PRKG1: variants seen among roughly 807,000 people sequenced by gnomAD.
The protein encoded by PRKG1 is cGMP-dependent protein kinase 1.
Under a neutral mutation model 88.1 loss-of-function variants are expected in PRKG1, and 35 were observed. The ratio of observed to expected loss-of-function variants is 0.40; its 90% CI spans 0.30 to 0.53. The LOEUF (loss-of-function observed/expected upper bound fraction) is 0.53. Among genes scored for constraint, PRKG1 ranks in the 20% least tolerant of loss-of-function variants. The pLI is 0.59. For synonymous variants in PRKG1, 303 were observed against 292.5 expected, an observed-to-expected ratio of 1.04 and a Z score of -0.37; for missense variants, 540 against 839.8, an observed-to-expected ratio of 0.64 and a Z score of 4.41.
At chr10:52,254,869 G>A (rs1193687645) in intron 10 of PRKG1, among the ~76,000 whole-genome samples, 2 of 151,968 alleles carry the variant, frequency 1.3e-5, no homozygotes, top group African/African-American at 4.8e-5. Flanking sequence ...GATCTTTTAG[G>A]CATAGGAATT....
intron 2 of PRKG1, among the ~76,000 whole-genome samples, chr10:51,360,361 A>G (rs530530082): frequency 5.3e-4 from 81 of 152,102 alleles, no homozygotes; most frequent in South Asian, 2.5e-3. Context: ...AAGTTATAAA[A>G]GACATCAGCC....
In PRKG1 at chr10:52,293,990, G is replaced by A. The variant is rs537580229; in HGVS notation, c.*90G>A. On this transcript the variant is annotated 3_prime_UTR_variant, in exon 18 of 18. Coordinates refer to ENST00000373980, the MANE Select transcript of PRKG1 (RefSeq NM_006258.4). ...AACCTGAGGGAAAGAGAGAAGATTA[G>A]TGCTCGGGGTCACCATGATGCCTTT... 49 of 1,075,074 alleles carry A rather than the reference G, an allele frequency of 4.6e-5. 1 individual carries two copies. The African/African-American group carries it at 6.7e-4, about 15-fold the overall frequency. 66.6% of individuals were successfully genotyped at this position (1,075,074 alleles called of 1,614,324 possible).
At chr10:51,562,223 CA>C (rs35433028) in intron 3 of PRKG1, among the ~76,000 whole-genome samples, 103,222 of 146,220 alleles carry the variant, frequency 0.71, 36,673 homozygotes, top group East Asian at 0.97. Context: ...GACTCCATCT[CA>C]AAAAAAAAAA....
chr10:51,844,356 A>G (rs1840350209), intron 4 of PRKG1, among the ~76,000 whole-genome samples: 1 of 152,192 alleles, frequency 6.6e-6, no homozygotes. Flanking sequence ...AAATTATACT[A>G]GTAAGAGGGT....
intron 10 of PRKG1, among the ~76,000 whole-genome samples, chr10:52,258,016 T>C (rs889480797): frequency 7.2e-6 from 1 of 139,766 alleles, no homozygotes; most frequent in East Asian, 2.0e-4. Context: ...AAATTTCTTT[T>C]GTACATTGAT....
intron 3 of PRKG1, among the ~76,000 whole-genome samples, chr10:51,554,828 G>A (rs1036897911): frequency 6.6e-6 from 1 of 151,696 alleles, no homozygotes; most frequent in Non-Finnish European, 1.5e-5. Context: ...TTCAAACCAA[G>A]GCTCTGACAA....
intron 3 of PRKG1, among the ~76,000 whole-genome samples, chr10:51,538,426 T>C (rs1254964448): frequency 1.3e-5 from 2 of 148,598 alleles, no homozygotes; most frequent in African/African-American, 4.9e-5. Flanking sequence ...ATATATGATA[T>C]ATGATATATA....
At chr10:51,779,696 G>A (rs1483464093) in intron 3 of PRKG1, among the ~76,000 whole-genome samples, 1 of 152,058 alleles carries the variant, frequency 6.6e-6, no homozygotes, top group Non-Finnish European at 1.5e-5. Context: ...ATGGCACCTG[G>A]CTAATGACTT....
At chr10:51,143,892 G>A (rs1845880474) in intron 1 of PRKG1, among the ~76,000 whole-genome samples, 1 of 151,932 alleles carries the variant, frequency 6.6e-6, no homozygotes, top group Non-Finnish European at 1.5e-5. Context: ...CATGTGTATA[G>A]GAGGCAAATA....
At chr10:52,232,544 CAG>C (rs1162747197) in intron 9 of PRKG1, among the ~76,000 whole-genome samples, 1 of 152,092 alleles carries the variant, frequency 6.6e-6, no homozygotes, top group Non-Finnish European at 1.5e-5. Context: ...TCAGTAAAAA[CAG>C]AACAATTACT....
chr10:51,440,152 C>T (rs1276059137), intron 2 of PRKG1, among the ~76,000 whole-genome samples: 1 of 151,780 alleles, frequency 6.6e-6, no homozygotes, highest in Non-Finnish European at 1.5e-5. Context: ...GAGTATGATA[C>T]TCCGTTCAAT....
At chr10:51,718,526 AT>A (rs1463065496) in intron 3 of PRKG1, among the ~76,000 whole-genome samples, 1 of 152,228 alleles carries the variant, frequency 6.6e-6, no homozygotes, top group Non-Finnish European at 1.5e-5. Context: ...CCATTGGGGC[AT>A]TTTAAGCAAA....
chr10:51,951,624 A>G (rs1431444348), intron 5 of PRKG1, among the ~76,000 whole-genome samples: 1 of 152,132 alleles, frequency 6.6e-6, no homozygotes, highest in Non-Finnish European at 1.5e-5. Flanking sequence ...ATTCTTTTGT[A>G]TCTTAGAATT....
At chr10:51,709,772 A>G (rs991748024) in intron 3 of PRKG1, among the ~76,000 whole-genome samples, 11 of 152,204 alleles carry the variant, frequency 7.2e-5, no homozygotes, top group Non-Finnish European at 5.9e-5. Flanking sequence ...CTTCATTCTT[A>G]TCAGCAGGAC....
At chr10:51,419,993 C>T (rs565893399) in intron 2 of PRKG1, among the ~76,000 whole-genome samples, 13 of 152,144 alleles carry the variant, frequency 8.5e-5, no homozygotes, top group African/African-American at 3.1e-4. Context: ...AAAATAACCC[C>T]AGAATAAAAG....
intron 2 of PRKG1, among the ~76,000 whole-genome samples, chr10:51,315,071 A>C (rs1210045743): frequency 6.6e-6 from 1 of 152,222 alleles, no homozygotes; most frequent in Non-Finnish European, 1.5e-5. Flanking sequence ...GTGTACTACT[A>C]TTCAAAGCAA....
intron 5 of PRKG1, among the ~76,000 whole-genome samples, chr10:51,949,777 T>G (rs1843141288): frequency 6.6e-6 from 1 of 152,210 alleles, no homozygotes; most frequent in Non-Finnish European, 1.5e-5. Context: ...AATTAAATCA[T>G]GTTTACATGA....
At chr10:52,080,578 G>A (rs1362419750) in intron 7 of PRKG1, among the ~76,000 whole-genome samples, 1 of 152,034 alleles carries the variant, frequency 6.6e-6, no homozygotes, top group Non-Finnish European at 1.5e-5. Flanking sequence ...GTTCGGTAAG[G>A]GGCTTAATTT....
intron 4 of PRKG1, among the ~76,000 whole-genome samples, chr10:51,821,407 T>A (rs914269840): frequency 6.6e-6 from 1 of 152,120 alleles, no homozygotes; most frequent in Non-Finnish European, 1.5e-5. Flanking sequence ...TATATATAAC[T>A]TTTATAGATA....
Sources: allele counts gnomAD v4.1 joint callset (sites outside exome capture counted in the v4.1 genomes callset), GRCh38; gene constraint gnomAD v4.1.1; transcripts MANE v1.5; gene names NCBI Gene and HGNC (gene_info 2026-07-23, HGNC 2026-07-21).